CDC5L: variants seen among roughly 807,000 people sequenced by gnomAD.
The protein encoded by CDC5L is cell division cycle 5-like protein.
CDC5L carries 18 observed loss-of-function variants against 104.1 expected under a neutral mutation model. The observed-to-expected ratio is 0.17, with a 90% CI of 0.12 to 0.26. The LOEUF is 0.26. Among genes scored for constraint, CDC5L ranks in the 10% least tolerant of loss-of-function variants. The pLI is 1.00. For missense variants in CDC5L, 673 were observed against 956.9 expected (o/e 0.70, Z 3.91); for synonymous variants, 331 against 322.7 (o/e 1.03, Z -0.28).
At chr6:44,393,777 A>G (rs1467853859) in intron 4 of CDC5L, among the ~76,000 whole-genome samples, 5 of 151,660 alleles carry the variant, frequency 3.3e-5, no homozygotes, top group Middle Eastern at 3.2e-3. Context: ...CAATCCTCCC[A>G]TCTCAGCCTC....
At chr6:44,401,883 C>T (rs943271259) in intron 5 of CDC5L, among the ~76,000 whole-genome samples, 5 of 145,784 alleles carry the variant, frequency 3.4e-5, no homozygotes, top group Non-Finnish European at 6.1e-5. Flanking sequence ...CAGTTCCCAC[C>T]TATGAGTGAG....
intron 4 of CDC5L, among the ~76,000 whole-genome samples, chr6:44,395,028 T>TA (rs1790805604): frequency 1.3e-5 from 2 of 152,068 alleles, no homozygotes; most frequent in Non-Finnish European, 2.9e-5. Flanking sequence ...GAGAGACAAA[T>TA]ACTGCATATT....
At chr6:44,396,124 G>A (rs1430878501) in intron 4 of CDC5L, among the ~76,000 whole-genome samples, 1 of 152,216 alleles carries the variant, frequency 6.6e-6, no homozygotes, top group Non-Finnish European at 1.5e-5. Context: ...GGGTAAGTAA[G>A]TGACTAAGGT....
At chr6:44,410,375 T>C (rs921760336) in intron 8 of CDC5L, among the ~76,000 whole-genome samples, 1 of 152,240 alleles carries the variant, frequency 6.6e-6, no homozygotes, top group African/African-American at 2.4e-5. Flanking sequence ...ATCCATGTTG[T>C]CACAAATGAC....
intron 1 of CDC5L, among the ~76,000 whole-genome samples, chr6:44,388,862 T>C (rs1790473819): frequency 6.6e-6 from 1 of 152,218 alleles, no homozygotes. Flanking sequence ...CATCACATCC[T>C]CTGTGTGGTA....
chr6:44,428,443 A>G (rs989699141), intron 13 of CDC5L, among the ~76,000 whole-genome samples: 4 of 152,296 alleles, frequency 2.6e-5, no homozygotes, highest in Admixed American at 2.6e-4. Flanking sequence ...TTCATAAGCC[A>G]TGAAGCAAAG....
At chr6:44,432,225 TGTG>T (rs1397471648) in intron 14 of CDC5L, among the ~76,000 whole-genome samples, 16 of 152,250 alleles carry the variant, frequency 1.1e-4, no homozygotes, top group South Asian at 2.1e-4. Flanking sequence ...TTATTTCAAT[TGTG>T]GTAATTCTTT....
At chr6:44,427,640 A>G (rs140751221) in intron 13 of CDC5L, among the ~76,000 whole-genome samples, 225 of 152,276 alleles carry the variant, frequency 1.5e-3, no homozygotes, top group African/African-American at 5.3e-3. Context: ...TTTATATTTC[A>G]ATAACTTGTC....
chr6:44,434,340 A>G (rs771083481), intron 14 of CDC5L, among the ~76,000 whole-genome samples: 9 of 152,164 alleles, frequency 5.9e-5, no homozygotes, highest in Non-Finnish European at 1.0e-4. Context: ...CAGGGATGCA[A>G]TCTGATGGTT....
intron 5 of CDC5L, among the ~76,000 whole-genome samples, chr6:44,401,857 A>G (rs1581645359): frequency 7.5e-6 from 1 of 133,622 alleles, no homozygotes; most frequent in South Asian, 2.4e-4. Flanking sequence ...TCCTGTGTCC[A>G]TGTGTTCTCA....
At chr6:44,389,911 G>A (rs1790513646) in intron 1 of CDC5L, among the ~76,000 whole-genome samples, 1 of 152,080 alleles carries the variant, frequency 6.6e-6, no homozygotes, top group Admixed American at 6.6e-5. Context: ...TTGTTGTTGT[G>A]TTTTTTAGTT....
intron 8 of CDC5L, among the ~76,000 whole-genome samples, chr6:44,417,334 C>A (rs1791953277): frequency 6.6e-6 from 1 of 152,080 alleles, no homozygotes; most frequent in Admixed American, 6.5e-5. Context: ...GTAGTGGTCT[C>A]AGAACAGTTG....
intron 14 of CDC5L, among the ~76,000 whole-genome samples, chr6:44,438,888 A>G (rs1435189321): frequency 1.3e-5 from 2 of 152,054 alleles, no homozygotes; most frequent in African/African-American, 4.8e-5. Context: ...TACATACCAT[A>G]AAGTTAAGAC....
intron 11 of CDC5L, among the ~76,000 whole-genome samples, chr6:44,424,837 T>C (rs1792348412): frequency 6.6e-6 from 1 of 152,234 alleles, no homozygotes. Context: ...ATTATGCTTC[T>C]CTAAAATACA....
At chr6:44,414,077 A>G (rs183491984) in intron 8 of CDC5L, among the ~76,000 whole-genome samples, 14 of 151,656 alleles carry the variant, frequency 9.2e-5, no homozygotes, top group Admixed American at 6.6e-4. Context: ...TTATTTTTAT[A>G]TCTTTGTTGT....
intron 4 of CDC5L, among the ~76,000 whole-genome samples, chr6:44,394,855 C>CA (rs60864045): frequency 2.0e-4 from 12 of 59,062 alleles, no homozygotes; most frequent in African/African-American, 6.6e-4. Flanking sequence ...GACCCTGTCT[C>CA]AAAAAAAAAA....
At chr6:44,408,983 A>G (rs892187948) in intron 8 of CDC5L, among the ~76,000 whole-genome samples, 1 of 152,206 alleles carries the variant, frequency 6.6e-6, no homozygotes, top group Non-Finnish European at 1.5e-5. Flanking sequence ...TTAGCTTCAC[A>G]TAGTGTGCCC....
chr6:44,419,352 A>T (rs1423088634), intron 8 of CDC5L, 97 bp from the exon 9 acceptor site: 2 of 1,102,640 alleles, frequency 1.8e-6, no homozygotes, highest in Non-Finnish European at 1.3e-6. Context: ...ATGAGTAAGG[A>T]TTCTGCCTGC....
At chr6:44,400,593 G>C (rs185897159) in intron 5 of CDC5L, among the ~76,000 whole-genome samples, 1 of 152,228 alleles carries the variant, frequency 6.6e-6, no homozygotes, top group Non-Finnish European at 1.5e-5. Flanking sequence ...TCCCCATGTT[G>C]GCCAGGCTGG....
Sources: allele counts gnomAD v4.1 joint callset (sites outside exome capture counted in the v4.1 genomes callset), GRCh38; gene constraint gnomAD v4.1.1; transcripts MANE v1.5; gene names NCBI Gene and HGNC (gene_info 2026-07-23, HGNC 2026-07-21).